STK32A: variants seen among roughly 807,000 people sequenced by gnomAD.
STK32A encodes the protein serine/threonine-protein kinase 32A.
In STK32A, 41 loss-of-function variants were observed where a neutral mutation model predicts 53.2. That is an observed-to-expected ratio of 0.77 (90% CI 0.60 to 1.00). STK32A has a LOEUF of 1.00. Among genes scored for constraint, STK32A ranks in the 50% least tolerant of loss-of-function variants. The pLI, the probability that STK32A is intolerant of heterozygous loss-of-function variation, is 0.00. For missense variants in STK32A, 458 were observed against 485.8 expected (o/e 0.94, Z 0.54); for synonymous variants, 166 against 162.8 (o/e 1.02, Z -0.15).
At chr5:147,286,142 G>A (rs1030824982) in intron 4 of STK32A, among the ~76,000 whole-genome samples, 1 of 152,140 alleles carries the variant, frequency 6.6e-6, no homozygotes, top group Non-Finnish European at 1.5e-5. Flanking sequence ...GATGAGATTG[G>A]AGACTATTAT....
chr5:147,383,479 G>A lies in STK32A; in HGVS notation c.1071G>A (p.Lys357=). 2 of 1,596,206 alleles carry A rather than the reference G, an allele frequency of 1.3e-6. No homozygotes were observed. Among genetic ancestry groups the A allele is most frequent in the South Asian group, 1.1e-5 (1 of 87,572 alleles). ...AAGAGCACCTTGACTCTGTCCAGAA[G>A]GAGTTCATAATTTTCAACAGAGAAA... ...LLQEHLDSVQ[K]EFIIFNREKV... Residue 357 remains lysine (K), a synonymous_variant, in exon 12 of 13, where the codon AAG becomes AAA. Coordinates refer to ENST00000397936, the MANE Select transcript of STK32A (RefSeq NM_001112724.2).
chr5:147,335,296 G>C (rs1469366685), intron 5 of STK32A, among the ~76,000 whole-genome samples: 2 of 152,108 alleles, frequency 1.3e-5, no homozygotes, highest in South Asian at 4.1e-4. Flanking sequence ...ACATGGTTTT[G>C]GTCCCAACAG....
At chr5:147,355,309 T>G (rs1756164423) in intron 7 of STK32A, among the ~76,000 whole-genome samples, 1 of 152,248 alleles carries the variant, frequency 6.6e-6, no homozygotes, top group Non-Finnish European at 1.5e-5. Flanking sequence ...CTCCCTCTGG[T>G]CCCTCCATTA....
chr5:147,291,563 A>C (rs2113344), intron 4 of STK32A, among the ~76,000 whole-genome samples: 50,586 of 151,846 alleles, frequency 0.33, 8,808 homozygotes, highest in South Asian at 0.59. Context: ...AAAAAAAAAA[A>C]GAATTTCTAT....
At chr5:147,355,231 G>A (rs527716995) in intron 7 of STK32A, among the ~76,000 whole-genome samples, 54 of 152,272 alleles carry the variant, frequency 3.5e-4, no homozygotes, top group African/African-American at 1.2e-3. Flanking sequence ...CAGTATGCCA[G>A]TTCTTCACCA....
chr5:147,294,917 G>A (rs925031760), intron 4 of STK32A, among the ~76,000 whole-genome samples: 10 of 152,054 alleles, frequency 6.6e-5, no homozygotes, highest in Non-Finnish European at 1.0e-4. Context: ...TCTCCTGACC[G>A]CATGATCTGC....
the STK32A span, among the ~76,000 whole-genome samples, chr5:147,394,687 A>C: frequency 6.6e-6 from 1 of 152,066 alleles, no homozygotes; most frequent in African/African-American, 2.4e-5. Flanking sequence ...AACAACAAAA[A>C]AAAAAAGGCA....
At chr5:147,261,399 G>A (rs4705143) in intron 2 of STK32A, among the ~76,000 whole-genome samples, 45,074 of 151,988 alleles carry the variant, frequency 0.3, 7,055 homozygotes, top group African/African-American at 0.36. Context: ...TTGTCTCCCT[G>A]TTGGCTAGGG....
intron 7 of STK32A, among the ~76,000 whole-genome samples, chr5:147,358,063 T>C (rs1756335941): frequency 6.6e-6 from 1 of 152,074 alleles, no homozygotes; most frequent in Admixed American, 6.6e-5. Context: ...ATTAATCCCA[T>C]TAAATGTATA....
At chr5:147,237,509 G>C (rs1338300026) in intron 1 of STK32A, among the ~76,000 whole-genome samples, 2 of 151,988 alleles carry the variant, frequency 1.3e-5, no homozygotes, top group Non-Finnish European at 2.9e-5. Flanking sequence ...TAACTCCCTT[G>C]TCTGCTGGAG....
Position 147,384,051 on chromosome 5 carries a change from C to G in STK32A, c.*68C>G. 1 of 1,544,940 alleles carries G rather than the reference C, an allele frequency of 6.5e-7. No homozygotes were observed. The highest frequency in any genetic ancestry group is 8.7e-7 in the Non-Finnish European group (1 of 1,153,850). On this transcript the variant is annotated 3_prime_UTR_variant, in exon 13 of 13. Coordinates refer to ENST00000397936, the MANE Select transcript of STK32A (RefSeq NM_001112724.2). ...TTCTAATTACATATGTCAAGAAAAGCTGACAGTAGTTCTTGCCACTCCACA... is the reference window on the plus strand; with the variant it reads ...TTCTAATTACATATGTCAAGAAAAGGTGACAGTAGTTCTTGCCACTCCACA...
At chr5:147,298,823 A>G (rs1157624884) in intron 4 of STK32A, among the ~76,000 whole-genome samples, 1 of 152,252 alleles carries the variant, frequency 6.6e-6, no homozygotes, top group African/African-American at 2.4e-5. Context: ...AGAATAACAC[A>G]TGAAACTCCT....
chr5:147,361,470 C>T (rs1292882696), intron 7 of STK32A, 47 bp from the exon 8 acceptor site: 2 of 1,227,864 alleles, frequency 1.6e-6, no homozygotes, highest in Non-Finnish European at 2.4e-6. Context: ...AAATATAATA[C>T]TAATGTCTCA....
chr5:147,273,299 GAGAC>G (rs1436165495), intron 2 of STK32A, among the ~76,000 whole-genome samples: 1 of 152,194 alleles, frequency 6.6e-6, no homozygotes, highest in Non-Finnish European at 1.5e-5. Flanking sequence ...ATTCTAAAAA[GAGAC>G]AGGAAGAAAT....
At chr5:147,248,864 C>T (rs1368284) in intron 2 of STK32A, among the ~76,000 whole-genome samples, 25,158 of 152,132 alleles carry the variant, frequency 0.17, 2,269 homozygotes, top group Admixed American at 0.24. Flanking sequence ...AAAGGACCCA[C>T]CAAGCTCTTC....
chr5:147,381,294 AT>A (rs1023264712), intron 11 of STK32A, among the ~76,000 whole-genome samples: 9 of 151,848 alleles, frequency 5.9e-5, no homozygotes, highest in African/African-American at 2.2e-4. Context: ...TACTTGACAA[AT>A]TTTTTCTCTC....
chr5:147,235,992 A>G (rs1753297968), intron 1 of STK32A, among the ~76,000 whole-genome samples: 1 of 152,244 alleles, frequency 6.6e-6, no homozygotes, highest in Admixed American at 6.5e-5. Context: ...TAAACTAAGA[A>G]GTTCTGTTTT....
chr5:147,271,965 C>T (rs1326993207), intron 2 of STK32A, among the ~76,000 whole-genome samples: 2 of 152,170 alleles, frequency 1.3e-5, no homozygotes, highest in African/African-American at 4.8e-5. Flanking sequence ...TATTCGTACA[C>T]TCCCTCCCCT....
chr5:147,379,183 A>G (rs1757354732), intron 11 of STK32A, among the ~76,000 whole-genome samples: 1 of 151,652 alleles, frequency 6.6e-6, no homozygotes, highest in South Asian at 2.1e-4. Context: ...GTTTTGTAGC[A>G]GTTGTGAATG....
Sources: allele counts gnomAD v4.1 joint callset (sites outside exome capture counted in the v4.1 genomes callset), GRCh38; gene constraint gnomAD v4.1.1; transcripts MANE v1.5; gene names NCBI Gene and HGNC (gene_info 2026-07-23, HGNC 2026-07-21).